Variants in DIS3L2 observed in about 807,000 individuals in gnomAD.
DIS3L2 encodes DIS3 like 3'-5' exoribonuclease 2, also known as DIS3-like exonuclease 2.
A neutral mutation model predicts 97.5 loss-of-function variants in DIS3L2; 34 were observed. That is an observed-to-expected ratio of 0.35 (90% CI 0.27 to 0.46). The LOEUF (loss-of-function observed/expected upper bound fraction) is 0.46, where lower values mean the gene tolerates loss of function less well. Among genes scored for constraint, DIS3L2 ranks in the 20% least tolerant of loss-of-function variants. DIS3L2 has a pLI of 1.00. For synonymous variants in DIS3L2, 435 were observed against 445.2 expected (o/e 0.98, Z 0.29); for missense variants, 1,038 against 1,146.0 (o/e 0.91, Z 1.36).
intron 5 of DIS3L2, among the ~76,000 whole-genome samples, chr2:232,076,608 A>T (rs1157628492): frequency 6.6e-6 from 1 of 151,768 alleles, no homozygotes; most frequent in Non-Finnish European, 1.5e-5. Flanking sequence ...CCATTTTTCT[A>T]TTGGATTATT....
At chr2:232,076,654 T>G (rs571567569) in intron 5 of DIS3L2, among the ~76,000 whole-genome samples, 30 of 152,304 alleles carry the variant, frequency 2.0e-4, no homozygotes, top group South Asian at 2.1e-4. Flanking sequence ...CTTTATATAT[T>G]CTGGATATGA....
At chr2:232,001,065 A>C (rs1045387225) in intron 1 of DIS3L2, among the ~76,000 whole-genome samples, 1 of 152,310 alleles carries the variant, frequency 6.6e-6, no homozygotes, top group Admixed American at 6.5e-5. Flanking sequence ...CTTTGAATAC[A>C]TACCCAGAAG....
At position 232,280,623 on chromosome 2, in the gene DIS3L2, A is replaced by G. The variant is rs939812044; in HGVS notation, c.1659+17183A>G. On this transcript the variant is annotated intron_variant, in intron 13 of 20. Coordinates refer to ENST00000325385, the MANE Select transcript of DIS3L2 (RefSeq NM_152383.5). ...GTTTTCCTCAGAACAGCTGGAGTGT[A>G]ATGTGGTGGGAAGAAAGCCTGGTGT... Among the ~76,000 whole-genome samples, 187 of 152,306 alleles carry G rather than the reference A, an allele frequency of 1.2e-3. 2 individuals carry two copies. The highest frequency in any genetic ancestry group is 4.4e-3 in the African/African-American group (182 of 41,572).
At position 232,281,589 on chromosome 2, in the gene DIS3L2, A is replaced by G. The variant is rs1694285145; in HGVS notation, c.1659+18149A>G. On this transcript the variant is annotated intron_variant, in intron 13 of 20. Transcript: ENST00000325385. This position sits in a 1 kb window ranked among gnomAD's most constrained non-coding sequence, Gnocchi z 4.1. ...CAGTTAGATGGCTGTGGCTGTATGC[A>G]GGTGAGGCCACACAGCTGACAGGAG... 4.6e-5 allele frequency among the ~76,000 whole-genome samples: 7 copies of G among 152,140 alleles called. No homozygotes were observed. The South Asian group carries it at 1.5e-3, about 32-fold the overall frequency.
intron 14 of DIS3L2, among the ~76,000 whole-genome samples, chr2:232,309,629 C>T (rs1377399697): frequency 3.9e-5 from 6 of 152,076 alleles, no homozygotes; most frequent in Admixed American, 3.9e-4. Flanking sequence ...CAGGCCCGCA[C>T]AATGGCTCCC....
chr2:232,001,072 G>A (rs1243365935), intron 1 of DIS3L2, among the ~76,000 whole-genome samples: 2 of 152,120 alleles, frequency 1.3e-5, no homozygotes, highest in Non-Finnish European at 2.9e-5. Flanking sequence ...TACATACCCA[G>A]AAGTGGAATT....
chr2:231,970,086 C>G (rs928330620), intron 1 of DIS3L2, among the ~76,000 whole-genome samples: 2 of 151,912 alleles, frequency 1.3e-5, no homozygotes, highest in Admixed American at 6.6e-5. Context: ...GCTGGGACCA[C>G]ATACTACACC....
intron 5 of DIS3L2, among the ~76,000 whole-genome samples, chr2:232,033,893 C>T (rs995490139): frequency 6.6e-6 from 1 of 152,164 alleles, no homozygotes; most frequent in Admixed American, 6.5e-5. Context: ...AGGATTTTCA[C>T]ATTGATGTTC....
chr2:232,329,785 T>TGCCCGGGGGCCCC, intron 14 of DIS3L2, 28 bp from the exon 15 acceptor site: 12 of 967,132 alleles, frequency 1.2e-5, no homozygotes, highest in East Asian at 3.1e-5. Flanking sequence ...ACCCCAGCGG[T>TGCCCGGGGGCCCC]CCCTCCCATC....
At chr2:232,222,713 C>T (rs1014522061) in intron 10 of DIS3L2, among the ~76,000 whole-genome samples, 6 of 152,198 alleles carry the variant, frequency 3.9e-5, no homozygotes, top group African/African-American at 1.2e-4. Flanking sequence ...GTGATCCACC[C>T]GCCTTGGTCT....
chr2:232,271,279 G>C (rs1364233776), intron 13 of DIS3L2, among the ~76,000 whole-genome samples: 1 of 152,184 alleles, frequency 6.6e-6, no homozygotes, highest in Non-Finnish European at 1.5e-5. Flanking sequence ...TGCATTCTCA[G>C]ATCCTCAGAG....
At chr2:232,329,789 T>TGGCCAACCCCCC in intron 14 of DIS3L2, 24 bp from the exon 15 acceptor site, 1 of 368,622 alleles carries the variant, frequency 2.7e-6, no homozygotes, top group African/African-American at 2.3e-5. Context: ...CAGCGGTCCC[T>TGGCCAACCCCCC]CCCATCCCAC....
At chr2:232,019,369 T>C (rs1426809436) in intron 3 of DIS3L2, among the ~76,000 whole-genome samples, 10 of 151,532 alleles carry the variant, frequency 6.6e-5, no homozygotes, top group African/African-American at 2.4e-4. Flanking sequence ...CTGGGCAACA[T>C]AGTGAGACTT....
In DIS3L2 at chr2:232,136,556, A is replaced by G. The variant is rs2106355397; in HGVS notation, c.787A>G (p.Arg263Gly). ...GGCTGATAAGAACAGCGAACTGTTT[A>G]GGAAATACGCCCTGTTTTCTCCCTC... ...LLADKNSELF[R>G]KYALFSPSDH... is the part of the protein sequence containing the mutation. Residue 263 changes from arginine (R) to glycine (G), a missense_variant, in exon 8 of 21, where the codon AGG becomes GGG. By Grantham distance (125) the Arg-to-Gly change is moderately radical. Around this residue, in one of 3 missense-constraint regions of DIS3L2, gnomAD observed 813 missense variants for 880.1 expected, o/e 0.92. Coordinates refer to ENST00000325385, the MANE Select transcript of DIS3L2 (RefSeq NM_152383.5). 6.2e-7 allele frequency: 1 copy of G among 1,614,074 alleles called. No homozygotes were observed. Among genetic ancestry groups the G allele is most frequent in the African/African-American group, 1.3e-5 (1 of 75,036 alleles).
In DIS3L2 at chr2:232,329,785, TCCCTCCCATCCC is replaced by T; in HGVS notation, c.1740-27_1740-16del. The T allele has an allele frequency of 9.3e-6, 9 of 967,128 alleles. No homozygotes were observed. The highest frequency in any genetic ancestry group is 1.7e-5 in the African/African-American group (1 of 59,672). The allele number at this position is 967,128 out of a possible 1,614,324, so 59.9% of individuals were successfully genotyped here. ...CGCACCTGTCCCCAAACCCCAGCGGTCCCTCCCATCCCACCCACCCTCTGCAGGCTCGTGGAG... is the reference window on the plus strand; with the variant it reads ...CGCACCTGTCCCCAAACCCCAGCGGTACCCACCCTCTGCAGGCTCGTGGAG... On this transcript the variant is annotated splice_polypyrimidine_tract_variant and intron_variant, in intron 14 of 20. Transcript: ENST00000325385.
chr2:232,323,699 C>T (rs564424545), intron 14 of DIS3L2, among the ~76,000 whole-genome samples: 4 of 152,272 alleles, frequency 2.6e-5, no homozygotes, highest in African/African-American at 4.8e-5. Flanking sequence ...GGTTGCAGTG[C>T]GCGCAGGAGG....
chr2:232,106,941 A>G (rs1413959186), intron 6 of DIS3L2, among the ~76,000 whole-genome samples: 2 of 152,244 alleles, frequency 1.3e-5, no homozygotes, highest in African/African-American at 4.8e-5. Flanking sequence ...AGAACTCAAG[A>G]TTAAGAAATT....
chr2:231,977,228 A>G (rs1693124786), intron 1 of DIS3L2, among the ~76,000 whole-genome samples: 1 of 152,188 alleles, frequency 6.6e-6, no homozygotes, highest in Non-Finnish European at 1.5e-5. Context: ...TTGAACCATC[A>G]TAAGTTGAGG....
rs1575028136 is a variant in DIS3L2, at chr2:232,334,651, A to G, written c.2310A>G (p.Ser770=). Reference sequence around the variant, plus strand: ...TGCAGGAGAGTGGCCCCCTGGAGTCAGAAGCCATGGTGATGGGCATCCTGA... The same window carrying G: ...TGCAGGAGAGTGGCCCCCTGGAGTCGGAAGCCATGGTGATGGGCATCCTGA... ...VLVKESGPLE[S]EAMVMGILKQ... Residue 770 remains serine, a synonymous_variant, in exon 19 of 21, where the codon TCA becomes TCG. Transcript: ENST00000325385. 3 of 1,609,448 alleles carry G rather than the reference A, an allele frequency of 1.9e-6. No homozygotes were observed. Among genetic ancestry groups the G allele is most frequent in the Non-Finnish European group, 2.5e-6 (3 of 1,178,204 alleles).
Sources: allele counts gnomAD v4.1 joint callset (sites outside exome capture counted in the v4.1 genomes callset), GRCh38; gene constraint gnomAD v4.1.1; regional missense constraint gnomAD v4.1.1; non-coding constraint Gnocchi (gnomAD v3.1); transcripts MANE v1.5; gene names NCBI Gene and HGNC (gene_info 2026-07-23, HGNC 2026-07-21).